C10orf90: variants seen among roughly 807,000 people sequenced by gnomAD.
The protein encoded by C10orf90 is chromosome 10 open reading frame 90.
A neutral mutation model predicts 62.5 loss-of-function variants in C10orf90; 56 were observed. The ratio of observed to expected loss-of-function variants is 0.90; its 90% CI spans 0.72 to 1.12. The LOEUF is 1.12. Among genes scored for constraint, C10orf90 ranks in the 50% most tolerant of loss-of-function variants. The probability of loss-of-function intolerance (pLI) is 0.00; values close to 1 mark genes in which losing one functional copy is unlikely to be tolerated. For synonymous variants in C10orf90, 386 were observed against 340.4 expected (o/e 1.13, Z -1.47); for missense variants, 970 against 880.4 (o/e 1.10, Z -1.29).
Position 126,464,947 on chromosome 10 carries a change from T to C in C10orf90, c.1574A>G (p.Gln525Arg). The stretch of plus-strand genomic sequence containing the variant: ...AGACACAGTCATACATACTTCTCCT[T>C]GTTGCCTCTTGCTGCTTCCAGAAAA... ...KVFSGSSKRQ[Q>R]GEVCMTVSAP... The change falls in exon 5 of 10, where the codon CAA becomes CGA. Residue 525 changes from glutamine to arginine, a missense_variant. Transcript: ENST00000488181. The C allele has an allele frequency of 6.3e-7, 1 of 1,597,730 alleles. No individual in the cohort carries two copies. The highest frequency in any genetic ancestry group is 8.6e-7 in the Non-Finnish European group (1 of 1,166,218).
chr10:126,490,035 A>G (rs1391631138), intron 4 of C10orf90, among the ~76,000 whole-genome samples: 1 of 112,974 alleles, frequency 8.9e-6, no homozygotes, highest in African/African-American at 3.4e-5. Flanking sequence ...TATAATATAT[A>G]ATATATATTA....
At chr10:126,585,625 A>G (rs73384998) in intron 2 of C10orf90, among the ~76,000 whole-genome samples, 10,882 of 152,138 alleles carry the variant, frequency 0.072, 862 homozygotes, top group African/African-American at 0.2. Flanking sequence ...AGGGAGTGGG[A>G]AATGAGGAAG....
intron 1 of C10orf90, among the ~76,000 whole-genome samples, chr10:126,650,574 A>G (rs981934110): frequency 1.3e-5 from 2 of 152,150 alleles, no homozygotes; most frequent in Non-Finnish European, 2.9e-5. Flanking sequence ...AGGACCCCAC[A>G]TTGGAACCCA....
At chr10:126,574,696 ATAT>A (rs1451571528) in intron 2 of C10orf90, among the ~76,000 whole-genome samples, 1 of 152,074 alleles carries the variant, frequency 6.6e-6, no homozygotes, top group Non-Finnish European at 1.5e-5. Flanking sequence ...AAAACTAATA[ATAT>A]TAATTAATAA....
chr10:126,489,812 C>G (rs1054315309), intron 4 of C10orf90, among the ~76,000 whole-genome samples: 3 of 150,264 alleles, frequency 2.0e-5, no homozygotes, highest in African/African-American at 4.9e-5. Flanking sequence ...TCATACTAGT[C>G]AAAAGGTGGT....
intron 7 of C10orf90, among the ~76,000 whole-genome samples, chr10:126,450,112 A>C (rs578219566): frequency 1.3e-5 from 2 of 152,322 alleles, no homozygotes; most frequent in South Asian, 4.1e-4. Flanking sequence ...ATAGAAATAA[A>C]TTTAACTGAG....
rs1846731448 is a variant in C10orf90 at position 126,670,635 on chromosome 10, T to A, written c.-155A>T. Among the ~76,000 whole-genome samples, 1 of 132,544 alleles carries A rather than the reference T, an allele frequency of 7.5e-6. No individual in the cohort carries two copies. Among genetic ancestry groups the A allele is most frequent in the African/African-American group, 3.0e-5 (1 of 33,496 alleles). 87.0% of individuals were successfully genotyped at this position (132,544 alleles called of 152,430 possible). A position where few individuals can be genotyped will look rare whatever the true frequency, so the allele number is the denominator to read the frequency against. The stretch of plus-strand genomic sequence containing the variant: ...AACTCCAGAGCTAGTTGTCTCAATA[T>A]CCCAGCTACATTTGTGAAGGATGTG... On this transcript the variant is annotated 5_prime_UTR_variant, in exon 1 of 10. Coordinates refer to ENST00000488181, the MANE Select transcript of C10orf90 (RefSeq NM_001350921.2).
chr10:126,541,853 CA>C (rs1428166153), intron 2 of C10orf90, among the ~76,000 whole-genome samples: 2 of 152,150 alleles, frequency 1.3e-5, no homozygotes, highest in Non-Finnish European at 2.9e-5. Context: ...TAATTAAAAA[CA>C]GGGGTACATA....
chr10:126,611,401 T>C (rs1845430553), intron 2 of C10orf90, among the ~76,000 whole-genome samples: 1 of 152,236 alleles, frequency 6.6e-6, no homozygotes, highest in Non-Finnish European at 1.5e-5. Flanking sequence ...GTTTATCAGT[T>C]GATGGACATT....
At chr10:126,664,741 C>A (rs1270354335) in intron 1 of C10orf90, among the ~76,000 whole-genome samples, 1 of 152,204 alleles carries the variant, frequency 6.6e-6, no homozygotes, top group Non-Finnish European at 1.5e-5. Context: ...CTTGACCTCT[C>A]ATTAAATACT....
chr10:126,600,658 AG>A (rs1380950665), intron 2 of C10orf90, among the ~76,000 whole-genome samples: 3 of 152,190 alleles, frequency 2.0e-5, no homozygotes, highest in Non-Finnish European at 4.4e-5. Context: ...TGCTCAAACC[AG>A]AAAATTGATA....
chr10:126,618,807 T>G (rs774112249), intron 2 of C10orf90, among the ~76,000 whole-genome samples: 1 of 152,176 alleles, frequency 6.6e-6, no homozygotes, highest in Non-Finnish European at 1.5e-5. Context: ...CATTCTGACT[T>G]CACTCAAAAC....
chr10:126,591,614 G>A (rs1295545858), intron 2 of C10orf90, among the ~76,000 whole-genome samples: 3 of 152,144 alleles, frequency 2.0e-5, no homozygotes, highest in African/African-American at 7.2e-5. Context: ...AAAGCTGGAA[G>A]CATTCCCCTT....
intron 2 of C10orf90, among the ~76,000 whole-genome samples, chr10:126,645,258 T>TAAAA (rs1182066967): frequency 4.5e-5 from 3 of 66,294 alleles, no homozygotes; most frequent in Admixed American, 3.5e-4. Context: ...ACTTAAAGTA[T>TAAAA]AAAAAAAAAA....
intron 3 of C10orf90, among the ~76,000 whole-genome samples, chr10:126,509,227 C>A (rs1168617155): frequency 6.6e-6 from 1 of 152,224 alleles, no homozygotes; most frequent in Non-Finnish European, 1.5e-5. Context: ...TGGAATCACT[C>A]AGGATGTCAA....
At chr10:126,442,726 A>G (rs1252915880) in intron 7 of C10orf90, among the ~76,000 whole-genome samples, 1 of 139,934 alleles carries the variant, frequency 7.1e-6, no homozygotes, top group Non-Finnish European at 1.5e-5. Context: ...TTAACAGCAC[A>G]TGGAACTTTC....
intron 2 of C10orf90, among the ~76,000 whole-genome samples, chr10:126,541,708 G>A (rs1864380842): frequency 6.6e-6 from 1 of 152,182 alleles, no homozygotes; most frequent in African/African-American, 2.4e-5. Context: ...ACAAGTGTTG[G>A]TGAGGATGTA....
intron 2 of C10orf90, chr10:126,521,253 T>C (rs772859690): frequency 3.1e-6 from 5 of 1,598,104 alleles, no homozygotes; most frequent in South Asian, 1.1e-5. Flanking sequence ...CAGATTACTT[T>C]ATATTTTAAT....
At chr10:126,508,158 T>TGAGAGAGAGAGAGAGAGAGAGA (rs57143666) in intron 3 of C10orf90, among the ~76,000 whole-genome samples, 5 of 131,526 alleles carry the variant, frequency 3.8e-5, no homozygotes, top group Admixed American at 7.5e-5. Context: ...AATGAGTGAG[T>TGAGAGAGAGAGAGAGAGAGAGA]GAGAGAGAGA....
Sources: gnomAD v4.1 joint callset for allele counts (sites outside exome capture counted in the v4.1 genomes callset) on GRCh38, gnomAD v4.1.1 for gene constraint, MANE v1.5 for transcripts, NCBI Gene and HGNC (gene_info 2026-07-23, HGNC 2026-07-21) for gene names.